NSD2: variants seen among roughly 807,000 people sequenced by gnomAD.
The protein encoded by NSD2 is nuclear receptor binding SET domain protein 2, also known as histone-lysine N-methyltransferase NSD2.
A neutral mutation model predicts 139.0 loss-of-function variants in NSD2; 12 were observed. That is an observed-to-expected ratio of 0.09 (90% confidence interval 0.06 to 0.14). The LOEUF (loss-of-function observed/expected upper bound fraction) is 0.14. Among genes scored for constraint, NSD2 ranks in the 10% least tolerant of loss-of-function variants. NSD2 has a pLI of 1.00. For synonymous variants in NSD2, 669 were observed against 648.7 expected, an observed-to-expected ratio of 1.03 and a Z score of -0.48; for missense variants, 1,155 against 1,745.0, an observed-to-expected ratio of 0.66 and a Z score of 6.02.
chr4:1,927,306 A>G (rs914844935), intron 5 of NSD2, among the ~76,000 whole-genome samples: 1 of 152,112 alleles, frequency 6.6e-6, no homozygotes, highest in Non-Finnish European at 1.5e-5. Context: ...CGCCGTAAGC[A>G]GTAGTGGGGG....
At chr4:1,938,582 G>T in intron 8 of NSD2, 50 bp downstream of exon 8, 1 of 1,444,052 alleles carries the variant, frequency 6.9e-7, no homozygotes, top group South Asian at 1.2e-5. Flanking sequence ...GCCCAGGCTG[G>T]GCTGGGTGGG....
At chr4:1,901,588 C>T (rs1425075425) in intron 2 of NSD2, among the ~76,000 whole-genome samples, 1 of 152,260 alleles carries the variant, frequency 6.6e-6, no homozygotes, top group Non-Finnish European at 1.5e-5. Context: ...TCAGGCTACA[C>T]TCTTTTCATG....
intron 3 of NSD2, among the ~76,000 whole-genome samples, chr4:1,906,682 A>T (rs1246546830): frequency 3.8e-5 from 4 of 105,426 alleles, no homozygotes; most frequent in African/African-American, 1.2e-4. Flanking sequence ...TTTTTTTGAG[A>T]CACAGTTTCA....
At position 1,898,858 on chromosome 4, in the gene NSD2, T is replaced by G. The variant is rs116231001; in HGVS notation, c.-29-1768T>G. ...CCCCCTCATTTTATAGTTGTTACAG[T>G]TGCTTCAAACTCTCCTCAGTCACAC... On this transcript the variant is annotated intron_variant, in intron 1 of 21. Coordinates refer to ENST00000508803, the MANE Select transcript of NSD2 (RefSeq NM_001042424.3). 6.1e-3 allele frequency among the ~76,000 whole-genome samples: 928 copies of G among 152,120 alleles called. 10 individuals carry two copies. The highest frequency in any genetic ancestry group is 0.021 in the African/African-American group (887 of 41,496).
intron 1 of NSD2, among the ~76,000 whole-genome samples, chr4:1,872,631 A>AGAGAGAGAGAGAGAGAGAGAGG (rs984225040): frequency 7.5e-5 from 10 of 133,392 alleles, no homozygotes; most frequent in East Asian, 6.6e-4. Context: ...AGAGAGAGAG[A>AGAGAGAGAGAGAGAGAGAGAGG]GAGAGCGCGC....
chr4:1,936,076 T>A (rs146819927), intron 7 of NSD2, among the ~76,000 whole-genome samples: 1 of 152,216 alleles, frequency 6.6e-6, no homozygotes, highest in Non-Finnish European at 1.5e-5. Flanking sequence ...CTAAACAGGC[T>A]GTGCAGGAAA....
intron 3 of NSD2, among the ~76,000 whole-genome samples, chr4:1,910,121 A>G (rs943150246): frequency 7.2e-5 from 11 of 152,150 alleles, no homozygotes; most frequent in African/African-American, 2.7e-4. Flanking sequence ...TCCTTTGGAA[A>G]TCTTAAGTTA....
rs73796614 is a variant in NSD2, at chr4:1,951,319, C to T, written c.2013+116C>T. 1.5e-3 allele frequency: 2,033 copies of T among 1,396,536 alleles called. 29 individuals are homozygous for T. In the African/African-American group the frequency reaches 0.026, roughly 18 times the overall value. The allele number at this position is 1,396,536 out of a possible 1,614,324, so 86.5% of individuals were successfully genotyped here. A position where few individuals can be genotyped will look rare whatever the true frequency, so the allele number is the denominator to read the frequency against. ...CACCAGACCCCTTCCCCAATCTCACCGTCACTCACTCATCTCTGTTTTGAA... is the reference window on the plus strand; with the variant it reads ...CACCAGACCCCTTCCCCAATCTCACTGTCACTCACTCATCTCTGTTTTGAA... On this transcript the variant is annotated intron_variant, in intron 10 of 21. Coordinates refer to ENST00000508803, the MANE Select transcript of NSD2 (RefSeq NM_001042424.3).
chr4:1,951,490 A>AAAGTT (rs1724249088), intron 10 of NSD2, among the ~76,000 whole-genome samples: 1 of 146,648 alleles, frequency 6.8e-6, no homozygotes, highest in Admixed American at 6.8e-5. Context: ...ACACACACAC[A>AAAGTT]CACACACACA....
At position 1,942,670 on chromosome 4, in the gene NSD2, C is replaced by T; in HGVS notation, c.1881+2892C>T. 1 of 1,159,408 alleles carries T rather than the reference C, an allele frequency of 8.6e-7. No individual in the cohort carries two copies. The highest frequency in any genetic ancestry group is 1.1e-6 in the Non-Finnish European group (1 of 937,098). The allele number at this position is 1,159,408 out of a possible 1,614,324, so 71.8% of individuals were successfully genotyped here. ...TAGATTTCAAGTTGAAAGGCAGTCC[C>T]TTTAGTTGGGGGCTGTCCAGAGCTG... On this transcript the variant is annotated intron_variant, in intron 9 of 21. Coordinates refer to ENST00000508803, the MANE Select transcript of NSD2 (RefSeq NM_001042424.3). The surrounding 1 kb of genome is among the most constrained non-coding windows in gnomAD (Gnocchi z 4.0).
At position 1,945,807 on chromosome 4, in the gene NSD2, A is replaced by G. The variant is rs1242610255; in HGVS notation, c.1882-5265A>G. The G allele has an allele frequency of 4.7e-6, 5 of 1,064,200 alleles. No individual in the cohort carries two copies. In the African/African-American group the frequency reaches 8.2e-5, roughly 17 times the overall value. The allele number at this position is 1,064,200 out of a possible 1,614,324, so 65.9% of individuals were successfully genotyped here. ...TGCATGGAGGGCTGTAAAGCCACGG[A>G]TTCCCCTCGCTGGAGAGGCTCCTGT... On this transcript the variant is annotated intron_variant, in intron 9 of 21. Coordinates refer to ENST00000508803, the MANE Select transcript of NSD2 (RefSeq NM_001042424.3).
chr4:1,952,470 G>A (rs1192794361), intron 11 of NSD2, among the ~76,000 whole-genome samples: 4 of 152,274 alleles, frequency 2.6e-5, no homozygotes, highest in East Asian at 1.9e-4. Flanking sequence ...ATCAGGTGGC[G>A]GGCAGGGTGG....
At position 1,938,609 on chromosome 4, in the gene NSD2, A is replaced by T. The variant is rs540627269; in HGVS notation, c.1756+77A>T. 1.6e-5 allele frequency: 20 copies of T among 1,244,166 alleles called. No individual in the cohort carries two copies. In the South Asian group the frequency reaches 2.4e-4, roughly 15 times the overall value. The allele number at this position is 1,244,166 out of a possible 1,614,324, so 77.1% of individuals were successfully genotyped here. A position where few individuals can be genotyped will look rare whatever the true frequency, so the allele number is the denominator to read the frequency against. ...CTGGGTGGGTGGGCTGAGAGTGTGA[A>T]AGGGGAAGGCTGGGGCTGGTGAAGG... On this transcript the variant is annotated intron_variant, in intron 8 of 21. Coordinates refer to ENST00000508803, the MANE Select transcript of NSD2 (RefSeq NM_001042424.3).
rs377159304 is a variant in NSD2 at position 1,951,060 on chromosome 4, C to A, written c.1882-12C>A. ...CGACTAGTGAACTGTCATCCGCCTC[C>A]TTCATCTCTAGGTCTCGGACAGCCC... On this transcript the variant is annotated splice_polypyrimidine_tract_variant and intron_variant, in intron 9 of 21. Transcript: ENST00000508803. The A allele has an allele frequency of 1.2e-6, 2 of 1,613,916 alleles. No homozygotes were observed. Among genetic ancestry groups the A allele is most frequent in the East Asian group, 4.5e-5 (2 of 44,868 alleles).
intron 1 of NSD2, among the ~76,000 whole-genome samples, chr4:1,897,665 C>T (rs902702244): frequency 3.3e-5 from 5 of 152,192 alleles, no homozygotes; most frequent in Non-Finnish European, 7.3e-5. Context: ...GACAGAGTCT[C>T]ACTCAGGCTG....
At chr4:1,926,593 TC>T (rs748464204) in intron 5 of NSD2, among the ~76,000 whole-genome samples, 13 of 150,976 alleles carry the variant, frequency 8.6e-5, no homozygotes, top group Non-Finnish European at 1.9e-4. Flanking sequence ...CCCTCAGCCT[TC>T]CTAGTAGCTG....
intron 9 of NSD2, chr4:1,941,488 G>A: frequency 1.9e-6 from 2 of 1,046,966 alleles, no homozygotes; most frequent in Non-Finnish European, 2.3e-6. Flanking sequence ...AGTCTCCCTG[G>A]CCTAGGCAGT....
chr4:1,967,789 C>T (rs1213682810), intron 18 of NSD2, among the ~76,000 whole-genome samples: 1 of 152,116 alleles, frequency 6.6e-6, no homozygotes, highest in Non-Finnish European at 1.5e-5. Flanking sequence ...ATCTTCCCAG[C>T]CAACTCAAGT....
At chr4:1,960,952 G>T in intron 17 of NSD2, 83 bp from the exon 18 acceptor site, 1 of 1,056,162 alleles carries the variant, frequency 9.5e-7, no homozygotes, top group South Asian at 1.4e-5. Context: ...CGTTCTAAGT[G>T]ATCATGATGG....
Sources: allele counts gnomAD v4.1 joint callset (sites outside exome capture counted in the v4.1 genomes callset), GRCh38; gene constraint gnomAD v4.1.1; non-coding constraint Gnocchi (gnomAD v3.1); transcripts MANE v1.5; gene names NCBI Gene and HGNC (gene_info 2026-07-23, HGNC 2026-07-21).